The following GABRG3 variants were observed in gnomAD, a reference collection of about 807,000 sequenced individuals.
GABRG3 encodes the protein gamma-aminobutyric acid receptor subunit gamma-3.
A neutral mutation model predicts 48.8 loss-of-function variants in GABRG3; 25 were observed. The ratio of observed to expected loss-of-function variants is 0.51; its 90% CI spans 0.37 to 0.72. GABRG3 has a LOEUF of 0.72. Among genes scored for constraint, GABRG3 ranks in the 30% least tolerant of loss-of-function variants. The pLI, the probability that GABRG3 is intolerant of heterozygous loss-of-function variation, is 0.00. For synonymous variants in GABRG3, 227 were observed against 217.6 expected, an observed-to-expected ratio of 1.04 and a Z score of -0.38; for missense variants, 394 against 577.9, an observed-to-expected ratio of 0.68 and a Z score of 3.26.
At chr15:27,231,169 T>G (rs1889786393) in intron 3 of GABRG3, among the ~76,000 whole-genome samples, 1 of 152,168 alleles carries the variant, frequency 6.6e-6, no homozygotes, top group South Asian at 2.1e-4. Flanking sequence ...TACATACAAG[T>G]GCTACACTGG....
chr15:27,200,379 T>C (rs1480629037), intron 3 of GABRG3, among the ~76,000 whole-genome samples: 1 of 152,196 alleles, frequency 6.6e-6, no homozygotes, highest in Non-Finnish European at 1.5e-5. Flanking sequence ...AAATATATGC[T>C]TCCTTTTGGG....
chr15:27,302,837 C>T (rs28801677), intron 3 of GABRG3, among the ~76,000 whole-genome samples: 169 of 151,894 alleles, frequency 1.1e-3, no homozygotes, highest in African/African-American at 3.8e-3. Context: ...AGAAAAATAT[C>T]GAAACCCATG....
At chr15:27,428,868 G>A (rs11854800) in intron 5 of GABRG3, among the ~76,000 whole-genome samples, 17,556 of 152,182 alleles carry the variant, frequency 0.12, 1,449 homozygotes, top group East Asian at 0.32. Flanking sequence ...GTATCAGTTT[G>A]CAAATGGATT....
chr15:27,326,014 A>G (rs985462075), intron 3 of GABRG3, among the ~76,000 whole-genome samples: 1 of 152,154 alleles, frequency 6.6e-6, no homozygotes, highest in African/African-American at 2.4e-5. Context: ...TGATGAGGGG[A>G]GTGGCCTCTG....
intron 5 of GABRG3, among the ~76,000 whole-genome samples, chr15:27,355,715 A>G (rs1475192707): frequency 6.6e-6 from 1 of 152,070 alleles, no homozygotes; most frequent in Non-Finnish European, 1.5e-5. Context: ...AAGTGGGGGG[A>G]AACCCAGATG....
intron 3 of GABRG3, among the ~76,000 whole-genome samples, chr15:27,247,704 G>A (rs1890311435): frequency 6.6e-6 from 1 of 152,150 alleles, no homozygotes; most frequent in Non-Finnish European, 1.5e-5. Context: ...GTCTCACATG[G>A]CTGGGGAGGC....
At position 27,198,911 on chromosome 15, in the gene GABRG3, C is replaced by T. The variant is rs377696489; in HGVS notation, c.271-127898C>T. ...AACACAAGAACAGAAAACTAAACAT[C>T]GCATGTTCTCACTCCTAAGTGGGAG... On this transcript the variant is annotated intron_variant, in intron 3 of 9. Transcript: ENST00000615808. 2.6e-5 allele frequency among the ~76,000 whole-genome samples: 4 copies of T among 152,148 alleles called. No individual in the cohort carries two copies. In the South Asian group the frequency reaches 8.3e-4, roughly 32 times the overall value.
Position 27,528,002 on chromosome 15 carries a change from G to C in GABRG3, c.1122+10G>C. ...CCTACAAGCCCCTTCCGTACGTATA[G>C]CATTGCAGGTGCCAATATTTCTGAG... On this transcript the variant is annotated intron_variant, in intron 9 of 9. Transcript: ENST00000615808. The C allele has an allele frequency of 6.3e-7, 1 of 1,584,526 alleles. No homozygotes were observed. The highest frequency in any genetic ancestry group is 8.6e-7 in the Non-Finnish European group (1 of 1,161,160).
chr15:27,038,845 T>C (rs1380347623), intron 3 of GABRG3, among the ~76,000 whole-genome samples: 1 of 152,110 alleles, frequency 6.6e-6, no homozygotes, highest in Non-Finnish European at 1.5e-5. Flanking sequence ...AGCAAAGAAC[T>C]GTCAGGAAGA....
At chr15:27,314,663 G>A (rs10438508) in intron 3 of GABRG3, among the ~76,000 whole-genome samples, 3,983 of 152,230 alleles carry the variant, frequency 0.026, 138 homozygotes, top group East Asian at 0.089. Flanking sequence ...ACAACGTAAT[G>A]TCCATTGGCA....
chr15:27,241,367 C>T (rs17137715), intron 3 of GABRG3, among the ~76,000 whole-genome samples: 13,603 of 152,220 alleles, frequency 0.089, 1,375 homozygotes, highest in African/African-American at 0.25. Flanking sequence ...CAAGTTTAGA[C>T]ATTGGGCAAC....
In GABRG3 at chr15:27,279,709, A is replaced by G. The variant is rs573562617; in HGVS notation, c.271-47100A>G. On this transcript the variant is annotated intron_variant, in intron 3 of 9. Transcript: ENST00000615808. ...TAGTCAGGTAAAGTAATAAACTACT[A>G]CTTATTCTTCTCTTTAAAAAATTTT... is the stretch of plus-strand genomic sequence containing the variant. 1.8e-3 allele frequency among the ~76,000 whole-genome samples: 277 copies of G among 152,228 alleles called. 2 individuals are homozygous for G. In the South Asian group the frequency reaches 0.018, roughly 10 times the overall value.
chr15:27,273,538 A>G (rs1891155857), intron 3 of GABRG3, among the ~76,000 whole-genome samples: 1 of 152,206 alleles, frequency 6.6e-6, no homozygotes, highest in Non-Finnish European at 1.5e-5. Flanking sequence ...ACAGAAGAGG[A>G]AGCTGATGGC....
At position 27,345,297 on chromosome 15, in the gene GABRG3, AT is replaced by A. The variant is rs533263399; in HGVS notation, c.574+16411del. The stretch of plus-strand genomic sequence containing the variant: ...CCATTTTTTAACCTTTTCTGGTTTA[AT>A]TGAGCATTTTATGTGATTCCATTTC... On this transcript the variant is annotated intron_variant, in intron 5 of 9. Transcript: ENST00000615808. Among the ~76,000 whole-genome samples the A allele has an allele frequency of 8.5e-5, 13 of 152,282 alleles. No individual in the cohort carries two copies. In the South Asian group the frequency reaches 2.5e-3, roughly 29 times the overall value.
intron 5 of GABRG3, among the ~76,000 whole-genome samples, chr15:27,332,261 A>G (rs1477341113): frequency 6.6e-6 from 1 of 152,214 alleles, no homozygotes; most frequent in East Asian, 1.9e-4. Context: ...CATGCCTGCA[A>G]TCCCAGAACT....
intron 3 of GABRG3, among the ~76,000 whole-genome samples, chr15:27,122,281 T>C (rs1897744298): frequency 6.6e-6 from 1 of 152,082 alleles, no homozygotes; most frequent in Non-Finnish European, 1.5e-5. Flanking sequence ...TAAAGATCTG[T>C]TGGCCAAATA....
intron 3 of GABRG3, among the ~76,000 whole-genome samples, chr15:27,322,416 A>T (rs1237661796): frequency 6.6e-6 from 1 of 152,184 alleles, no homozygotes; most frequent in East Asian, 1.9e-4. Context: ...ATGGTTCTCG[A>T]ATACTTCATG....
chr15:27,176,577 GT>G (rs1449494877), intron 3 of GABRG3, among the ~76,000 whole-genome samples: 7 of 152,186 alleles, frequency 4.6e-5, no homozygotes, highest in African/African-American at 1.7e-4. Context: ...AAGAATAACA[GT>G]TGTCACTTTA....
intron 2 of GABRG3, among the ~76,000 whole-genome samples, chr15:27,000,853 C>G (rs190319083): frequency 6.6e-6 from 1 of 152,170 alleles, no homozygotes; most frequent in Non-Finnish European, 1.5e-5. Flanking sequence ...TCAGATATTT[C>G]TTTATAGCAA....
Sources: gnomAD v4.1 joint callset for allele counts (sites outside exome capture counted in the v4.1 genomes callset) on GRCh38, gnomAD v4.1.1 for gene constraint, MANE v1.5 for transcripts, NCBI Gene and HGNC (gene_info 2026-07-23, HGNC 2026-07-21) for gene names.